The following GPR19 variants were observed in gnomAD, a reference collection of about 807,000 sequenced individuals.
The protein encoded by GPR19 is G protein-coupled receptor 19.
GPR19 carries 14 observed loss-of-function variants against 28.5 expected under a neutral mutation model. That is an observed-to-expected ratio of 0.49 (90% CI 0.32 to 0.77). The LOEUF (loss-of-function observed/expected upper bound fraction) is 0.77, where lower values mean the gene tolerates loss of function less well. Among genes scored for constraint, GPR19 ranks in the 30% least tolerant of loss-of-function variants. GPR19 has a pLI of 0.03. For missense variants in GPR19, 409 were observed against 504.1 expected (o/e 0.81, Z 1.81); for synonymous variants, 173 against 184.1 (o/e 0.94, Z 0.49).
chr12:12,690,516 T>C (rs1469423217), intron 2 of GPR19, among the ~76,000 whole-genome samples: 1 of 152,202 alleles, frequency 6.6e-6, no homozygotes, highest in Non-Finnish European at 1.5e-5. Context: ...CTACTGACTC[T>C]CTTTCTCTAG....
At chr12:12,704,113 G>T in the GPR19 span, among the ~76,000 whole-genome samples, 1 of 152,210 alleles carries the variant, frequency 6.6e-6, no homozygotes, top group Non-Finnish European at 1.5e-5. Context: ...GCAACCAATC[G>T]TGTGTGACTA....
the GPR19 span, among the ~76,000 whole-genome samples, chr12:12,705,350 A>G: frequency 6.6e-6 from 1 of 152,184 alleles, no homozygotes; most frequent in Non-Finnish European, 1.5e-5. Context: ...TTTATAATAA[A>G]GCCATACACT....
At chr12:12,673,512 T>C (rs1375761646) in intron 3 of GPR19, among the ~76,000 whole-genome samples, 1 of 152,164 alleles carries the variant, frequency 6.6e-6, no homozygotes, top group Non-Finnish European at 1.5e-5. Context: ...ACTTTGAGTT[T>C]TGTTACTCAT....
intron 3 of GPR19, among the ~76,000 whole-genome samples, chr12:12,663,638 C>G (rs1316827440): frequency 6.6e-6 from 1 of 151,986 alleles, no homozygotes; most frequent in Non-Finnish European, 1.5e-5. Flanking sequence ...ATTTTGCTCA[C>G]AGATTATAAA....
intron 2 of GPR19, among the ~76,000 whole-genome samples, chr12:12,691,560 C>A (rs898824462): frequency 3.3e-5 from 5 of 152,122 alleles, no homozygotes; most frequent in African/African-American, 1.2e-4. Context: ...AAGTTAGTCA[C>A]ATTTTCCTTT....
At chr12:12,701,401 C>T in the GPR19 span, among the ~76,000 whole-genome samples, 1 of 152,050 alleles carries the variant, frequency 6.6e-6, no homozygotes, top group Non-Finnish European at 1.5e-5. Context: ...TGTTGCTTGC[C>T]CATTAGCTAA....
intron 2 of GPR19, among the ~76,000 whole-genome samples, chr12:12,691,667 A>T (rs894870076): frequency 1.4e-4 from 21 of 152,200 alleles, no homozygotes; most frequent in African/African-American, 5.1e-4. Flanking sequence ...GATGTCATCC[A>T]ATTCATCTTT....
intron 2 of GPR19, among the ~76,000 whole-genome samples, chr12:12,693,293 G>T (rs1371060146): frequency 6.6e-6 from 1 of 152,092 alleles, no homozygotes; most frequent in Non-Finnish European, 1.5e-5. Flanking sequence ...CATTATCAAT[G>T]CCCTGCTGCA....
At chr12:12,713,022 A>G in the GPR19 span, among the ~76,000 whole-genome samples, 14 of 145,094 alleles carry the variant, frequency 9.6e-5, no homozygotes, top group Non-Finnish European at 1.8e-4. Flanking sequence ...TAAAAGCCCT[A>G]CCTATGCCTA....
chr12:12,686,099 A>C (rs1241514038), intron 2 of GPR19, among the ~76,000 whole-genome samples: 1 of 152,238 alleles, frequency 6.6e-6, no homozygotes, highest in Non-Finnish European at 1.5e-5. Context: ...GTCTCATAAC[A>C]CTGGCATATA....
chr12:12,700,439 T>C (rs1336932050), upstream of GPR19, among the ~76,000 whole-genome samples: 2 of 152,152 alleles, frequency 1.3e-5, no homozygotes, highest in African/African-American at 4.8e-5. Context: ...CTTTATTTCT[T>C]ACTGCCCAGA....
At chr12:12,714,128 G>A in the GPR19 span, among the ~76,000 whole-genome samples, 2 of 152,324 alleles carry the variant, frequency 1.3e-5, no homozygotes, top group Admixed American at 1.3e-4. Flanking sequence ...GAAGGAATAA[G>A]CAAATTAATA....
chr12:12,692,410 C>T (rs929728239), intron 2 of GPR19, among the ~76,000 whole-genome samples: 1 of 151,886 alleles, frequency 6.6e-6, no homozygotes, highest in African/African-American at 2.4e-5. Context: ...TAATATTAGC[C>T]AGGTTAATGG....
In GPR19 at chr12:12,661,443, T is replaced by G; in HGVS notation, c.1006A>C (p.Asn336His). 1.9e-6 allele frequency: 3 copies of G among 1,613,606 alleles called. No homozygotes were observed. In the South Asian group the frequency reaches 3.3e-5, roughly 18 times the overall value. The change falls in exon 4 of 4, where the codon AAT becomes CAT. Residue 336 changes from asparagine to histidine, a missense_variant. Physicochemically the swap from Asn to His is moderately conservative, Grantham distance 68 (BLOSUM62 1). Transcript: ENST00000651487. This position sits in a 1 kb window ranked among gnomAD's most constrained non-coding sequence, Gnocchi z 4.2. ...KPTLYSIYNA[N>H]FRRGMKETFC... ...GTCTCTTTCATCCCTCTCCGAAAAT[T>G]GGCATTATAAATTGAATACAGAGTA...
chr12:12,710,498 C>T, the GPR19 span, among the ~76,000 whole-genome samples: 1 of 152,146 alleles, frequency 6.6e-6, no homozygotes, highest in African/African-American at 2.4e-5. Context: ...ATCATAACAT[C>T]CCTTCACATT....
At chr12:12,701,887 C>T in the GPR19 span, among the ~76,000 whole-genome samples, 2 of 146,988 alleles carry the variant, frequency 1.4e-5, no homozygotes, top group Non-Finnish European at 3.0e-5. Context: ...TGGCATTGCA[C>T]TCCAGCCTGG....
At chr12:12,714,388 A>G in the GPR19 span, among the ~76,000 whole-genome samples, 1 of 152,150 alleles carries the variant, frequency 6.6e-6, no homozygotes, top group Non-Finnish European at 1.5e-5. Flanking sequence ...TGCATCTGGG[A>G]GCTGGCGACG....
the GPR19 span, among the ~76,000 whole-genome samples, chr12:12,712,783 T>C: frequency 6.6e-6 from 1 of 152,024 alleles, no homozygotes; most frequent in African/African-American, 2.4e-5. Flanking sequence ...TCCTCCCACC[T>C]CTGCTTTCTG....
intron 3 of GPR19, among the ~76,000 whole-genome samples, chr12:12,670,659 A>G (rs1945843387): frequency 6.6e-6 from 1 of 152,218 alleles, no homozygotes; most frequent in Admixed American, 6.5e-5. Flanking sequence ...CTGTGTCTGG[A>G]ACAAAGCAAC....
Sources: allele counts gnomAD v4.1 joint callset (sites outside exome capture counted in the v4.1 genomes callset), GRCh38; gene constraint gnomAD v4.1.1; non-coding constraint Gnocchi (gnomAD v3.1); transcripts MANE v1.5; gene names NCBI Gene and HGNC (gene_info 2026-07-23, HGNC 2026-07-21).